Variants in FBXL13 observed in about 807,000 individuals in gnomAD.
The protein encoded by FBXL13 is F-box and leucine rich repeat protein 13.
FBXL13 carries 67 observed loss-of-function variants against 83.6 expected under a neutral mutation model. The observed-to-expected ratio is 0.80, with a 90% CI of 0.66 to 0.98. The LOEUF (loss-of-function observed/expected upper bound fraction) is 0.98. Among genes scored for constraint, FBXL13 ranks in the 50% least tolerant of loss-of-function variants. The probability of loss-of-function intolerance (pLI) is 0.00; values close to 1 mark genes in which losing one functional copy is unlikely to be tolerated. For missense variants in FBXL13, 822 were observed against 866.5 expected, an observed-to-expected ratio of 0.95 and a Z score of 0.64; for synonymous variants, 272 against 299.5, an observed-to-expected ratio of 0.91 and a Z score of 0.95.
chr7:103,018,190 AT>A (rs769361082), intron 6 of FBXL13, among the ~76,000 whole-genome samples: 100 of 152,318 alleles, frequency 6.6e-4, no homozygotes, highest in Non-Finnish European at 1.2e-3. Flanking sequence ...AAAGAAAAGA[AT>A]TTTCAACCCA....
At chr7:102,974,774 G>A (rs142102579) in intron 6 of FBXL13, among the ~76,000 whole-genome samples, 3 of 151,984 alleles carry the variant, frequency 2.0e-5, no homozygotes, top group East Asian at 3.9e-4. Context: ...CCTCTCAGCC[G>A]TCTTCTTTAA....
At position 103,034,517 on chromosome 7, in the gene FBXL13, C is replaced by T. The variant is rs1014303455; in HGVS notation, c.1-5099G>A. Among the ~76,000 whole-genome samples the T allele has an allele frequency of 5.9e-5, 9 of 152,242 alleles. No homozygotes were observed. The South Asian group carries it at 8.3e-4, about 14-fold the overall frequency. The stretch of plus-strand genomic sequence containing the variant: ...CTGAGTGCGGGGTCCGCTGAGCCCA[C>T]GCCCACCCGGAACTCCCGCTGGCCC... On this transcript the variant is annotated intron_variant, in intron 2 of 19. Transcript: ENST00000313221.
intron 17 of FBXL13, among the ~76,000 whole-genome samples, chr7:102,850,782 C>T (rs1231508048): frequency 1.3e-5 from 2 of 152,138 alleles, no homozygotes; most frequent in Admixed American, 1.3e-4. Context: ...TTTAACTCTA[C>T]ACTATTAAAT....
chr7:102,941,003 TA>T (rs1336944301), intron 8 of FBXL13, among the ~76,000 whole-genome samples: 2 of 152,154 alleles, frequency 1.3e-5, no homozygotes, highest in Non-Finnish European at 2.9e-5. Flanking sequence ...TTTAACACAA[TA>T]AAAGTGAAAA....
At chr7:102,812,643 G>A (rs1797493056), downstream of FBXL13, among the ~76,000 whole-genome samples, 1 of 151,758 alleles carries the variant, frequency 6.6e-6, no homozygotes, top group African/African-American at 2.4e-5. Context: ...TATTCCCCTG[G>A]CTCAAACTCT....
chr7:103,028,881 A>C (rs1470354300), intron 3 of FBXL13, 133 bp from the exon 5 acceptor site: 3 of 646,502 alleles, frequency 4.6e-6, no homozygotes, highest in Non-Finnish European at 6.9e-6. Flanking sequence ...AGAAACTTCT[A>C]CAACTTGGGT....
intron 18 of FBXL13, among the ~76,000 whole-genome samples, chr7:102,831,394 G>GACACACAC (rs3045618): frequency 0.013 from 1,902 of 141,614 alleles, 30 homozygotes; most frequent in African/African-American, 0.039. Context: ...CAGTGCCCGG[G>GACACACAC]ACACACACAC....
intron 11 of FBXL13, among the ~76,000 whole-genome samples, chr7:102,899,912 T>A (rs1431179065): frequency 2.0e-5 from 3 of 152,152 alleles, no homozygotes; most frequent in East Asian, 3.9e-4. Flanking sequence ...CTGGGCGTGG[T>A]GGTGCATGCC....
chr7:102,925,338 T>C (rs1275788521), intron 10 of FBXL13, among the ~76,000 whole-genome samples: 1 of 152,166 alleles, frequency 6.6e-6, no homozygotes, highest in Non-Finnish European at 1.5e-5. Flanking sequence ...GAGGCTGCCG[T>C]AAGCCATGAT....
chr7:102,983,438 T>TTTTTA (rs1828523824), intron 6 of FBXL13, among the ~76,000 whole-genome samples: 2 of 150,190 alleles, frequency 1.3e-5, no homozygotes, highest in African/African-American at 2.5e-5. Flanking sequence ...TTTTTTTTTT[T>TTTTTA]GAGTGGGGTC....
At chr7:103,005,315 A>G (rs1056239188) in intron 6 of FBXL13, among the ~76,000 whole-genome samples, 1 of 152,192 alleles carries the variant, frequency 6.6e-6, no homozygotes, top group Non-Finnish European at 1.5e-5. Flanking sequence ...TCAGAAAAAC[A>G]GGATTGAGGA....
intron 1 of FBXL13, among the ~76,000 whole-genome samples, chr7:103,057,592 T>C (rs897103591): frequency 6.6e-6 from 1 of 152,236 alleles, no homozygotes; most frequent in African/African-American, 2.4e-5. Context: ...GTATATACAT[T>C]TGAAAAATTG....
chr7:102,881,577 G>T lies in FBXL13; in HGVS notation c.1388+1728C>A, dbSNP rs989987401. Among the ~76,000 whole-genome samples the T allele has an allele frequency of 4.5e-4, 42 of 92,936 alleles. 1 individual carries two copies. The highest frequency in any genetic ancestry group is 7.0e-4 in the Non-Finnish European group (31 of 44,338). The allele number at this position is 92,936 out of a possible 152,430, so 61.0% of individuals were successfully genotyped here. On this transcript the variant is annotated intron_variant, in intron 14 of 19. Transcript: ENST00000313221. ...TGTGTATGTAGTGTGTGTGTGTGTG[G>T]GGGGGGTGGGTGTCTCACTGTTATC...
Position 102,933,834 on chromosome 7 carries a change from T to C in FBXL13, c.725-1901A>G, listed in dbSNP as rs934462865. 3.5e-6 allele frequency: 5 copies of C among 1,422,690 alleles called. No individual in the cohort carries two copies. In the African/African-American group the frequency reaches 7.2e-5, roughly 20 times the overall value. 88.1% of individuals were successfully genotyped at this position (1,422,690 alleles called of 1,614,324 possible). A position where few individuals can be genotyped will look rare whatever the true frequency, so the allele number is the denominator to read the frequency against. On this transcript the variant is annotated intron_variant, in intron 8 of 19. Coordinates refer to ENST00000313221, the Ensembl canonical transcript of FBXL13. ...GTTCCAGAACTGCATTAGTTAAGATTACCCAGACTTGGATTTCAAAGGAAT... is the reference window on the plus strand; with the variant it reads ...GTTCCAGAACTGCATTAGTTAAGATCACCCAGACTTGGATTTCAAAGGAAT...
At chr7:102,836,838 T>G (rs1472101814) in intron 17 of FBXL13, among the ~76,000 whole-genome samples, 1 of 152,214 alleles carries the variant, frequency 6.6e-6, no homozygotes, top group Non-Finnish European at 1.5e-5. Flanking sequence ...TTAAACCACT[T>G]TGACAGGTGG....
At chr7:103,006,074 AG>A (rs1273278961) in intron 6 of FBXL13, among the ~76,000 whole-genome samples, 2 of 152,214 alleles carry the variant, frequency 1.3e-5, no homozygotes, top group Non-Finnish European at 2.9e-5. Flanking sequence ...CTCCAAAAGA[AG>A]GGAAAAAAAT....
rs542132933 is a variant in FBXL13 at position 102,843,272 on chromosome 7, C to T, written c.1720-10298G>A. Among the ~76,000 whole-genome samples the T allele has an allele frequency of 1.8e-3, 270 of 152,094 alleles. 1 individual carries two copies. The highest frequency in any genetic ancestry group is 5.6e-3 in the African/African-American group (234 of 41,482). ...CAGTCTGACCAACATGCTGAAACCCCGTCTCTACTAAAAATACAAAATTAC... is the reference window on the plus strand; with the variant it reads ...CAGTCTGACCAACATGCTGAAACCCTGTCTCTACTAAAAATACAAAATTAC... On this transcript the variant is annotated intron_variant, in intron 17 of 19. Transcript: ENST00000313221.
At chr7:102,959,059 A>G (rs536177153) in intron 8 of FBXL13, among the ~76,000 whole-genome samples, 1 of 152,290 alleles carries the variant, frequency 6.6e-6, no homozygotes, top group Admixed American at 6.5e-5. Context: ...AGATATAGGA[A>G]TAGGCATGAA....
chr7:102,931,597 T>G (rs541679636), intron 9 of FBXL13, among the ~76,000 whole-genome samples: 1 of 152,294 alleles, frequency 6.6e-6, no homozygotes, highest in African/African-American at 2.4e-5. Flanking sequence ...GGCCCAATTT[T>G]TTTCTGTCTC....
Sources: gnomAD v4.1 joint callset for allele counts (sites outside exome capture counted in the v4.1 genomes callset) on GRCh38, gnomAD v4.1.1 for gene constraint, MANE v1.5 for transcripts, NCBI Gene and HGNC (gene_info 2026-07-23, HGNC 2026-07-21) for gene names.